The following MEGF8 variants were observed in gnomAD, a reference collection of about 807,000 sequenced individuals.
MEGF8 encodes multiple EGF like domains 8.
A neutral mutation model predicts 302.9 loss-of-function variants in MEGF8; 156 were observed. The observed-to-expected ratio is 0.52, with a 90% CI of 0.45 to 0.59. The LOEUF (loss-of-function observed/expected upper bound fraction) is 0.59. Among genes scored for constraint, MEGF8 ranks in the 20% least tolerant of loss-of-function variants. MEGF8 has a pLI of 0.00. For synonymous variants in MEGF8, 1,621 were observed against 1,660.5 expected, an observed-to-expected ratio of 0.98 and a Z score of 0.58; for missense variants, 3,345 against 3,964.5, an observed-to-expected ratio of 0.84 and a Z score of 4.20.
At chr19:42,371,119 C>T (rs568893743) in intron 40 of MEGF8, among the ~76,000 whole-genome samples, 4 of 152,116 alleles carry the variant, frequency 2.6e-5, no homozygotes, top group South Asian at 4.2e-4. Context: ...AACAACCTCC[C>T]CTTTCCATCT....
rs759760089 is a variant in MEGF8 at position 42,336,188 on chromosome 19, C to T, written c.1086C>T (p.Gly362=). 1.2e-6 allele frequency: 2 copies of T among 1,610,816 alleles called. No individual in the cohort carries two copies. Among genetic ancestry groups the T allele is most frequent in the South Asian group, 1.1e-5 (1 of 91,090 alleles). ...GRTPHDLFSS[G]LFRFRLDSTS... ...CCCCGCACGACCTCTTCTCCTCTGGCCTCTTCCGTTTCCGCCTTGACAGCA... is the reference window on the plus strand; with the variant it reads ...CCCCGCACGACCTCTTCTCCTCTGGTCTCTTCCGTTTCCGCCTTGACAGCA... Residue 362 remains glycine (G), a synonymous_variant, in exon 6 of 42, where the codon GGC becomes GGT. Transcript: ENST00000251268. This position sits in a 1 kb window ranked among gnomAD's most constrained non-coding sequence, Gnocchi z 4.8.
At chr19:42,327,949 G>C (rs2039006463) in intron 1 of MEGF8, among the ~76,000 whole-genome samples, 1 of 152,158 alleles carries the variant, frequency 6.6e-6, no homozygotes, top group Admixed American at 6.5e-5. Context: ...ACAAAAATTA[G>C]CTGGGTGTGA....
intron 41 of MEGF8, among the ~76,000 whole-genome samples, chr19:42,373,866 C>G (rs2039728389): frequency 6.6e-6 from 1 of 152,030 alleles, no homozygotes; most frequent in South Asian, 2.1e-4. Context: ...GCACACACCA[C>G]CATGCCTGGC....
Position 42,352,267 on chromosome 19 carries a change from G to C in MEGF8, c.3161G>C (p.Gly1054Ala), listed in dbSNP as rs779846533. The change falls in exon 19 of 42, where the codon GGG (glycine) becomes GCG (alanine). Residue 1054 changes from glycine to alanine, a missense_variant. Gly to Ala is a moderately conservative substitution (Grantham distance 60). Coordinates refer to ENST00000251268, the MANE Select transcript of MEGF8 (RefSeq NM_001271938.2). This position sits in a 1 kb window ranked among gnomAD's most constrained non-coding sequence, Gnocchi z 4.4. ...GGGGGTAACTGCTCCCTGTGGGTGG[G>C]GGAGGGCCTGGGGCTTCCCGTGGCC... ...LGGGNCSLWV[G>A]EGLGLPVALP... The C allele has an allele frequency of 1.9e-6, 3 of 1,562,342 alleles. No homozygotes were observed. Among genetic ancestry groups the C allele is most frequent in the South Asian group, 1.2e-5 (1 of 85,242 alleles).
chr19:42,371,364 G>A lies in MEGF8; in HGVS notation c.7151G>A (p.Gly2384Asp). The A allele has an allele frequency of 6.2e-7, 1 of 1,613,862 alleles. No homozygotes were observed. Among genetic ancestry groups the A allele is most frequent in the African/African-American group, 1.3e-5 (1 of 75,040 alleles). Residue 2384 changes from glycine to aspartate, a missense_variant, in exon 41 of 42, where the codon GGC becomes GAC. Gly to Asp is a moderately conservative substitution (Grantham distance 94). Transcript: ENST00000251268. ...TTCTTCCCCAGATGCCAGTGTAATG[G>A]CCACGCGGACACATGTAACGAGCAG... ...DGKCTKCQCN[G>D]HADTCNEQDG... is the part of the protein sequence containing the mutation.
intron 12 of MEGF8, among the ~76,000 whole-genome samples, chr19:42,347,786 T>C (rs565031513): frequency 2.0e-5 from 3 of 152,182 alleles, no homozygotes; most frequent in East Asian, 1.9e-4. Flanking sequence ...CATTCTTCTT[T>C]TTTTTTTTAA....
chr19:42,351,125 T>C lies in MEGF8; in HGVS notation c.2737-91T>C. On this transcript the variant is annotated intron_variant, in intron 15 of 41. Coordinates refer to ENST00000251268, the MANE Select transcript of MEGF8 (RefSeq NM_001271938.2). This position sits in a 1 kb window ranked among gnomAD's most constrained non-coding sequence, Gnocchi z 5.6. ...GGGAGATGGCCTTACAGGGACAGTC[T>C]GCAGGGTGGGGCAGGGGGTGGGATG... 8.9e-7 allele frequency: 1 copy of C among 1,128,012 alleles called. No individual in the cohort carries two copies. 69.9% of individuals were successfully genotyped at this position (1,128,012 alleles called of 1,614,324 possible). A position where few individuals can be genotyped will look rare whatever the true frequency, so the allele number is the denominator to read the frequency against.
In MEGF8 at chr19:42,357,266, C is replaced by T; in HGVS notation, c.4831-138C>T. ...CACTGTGCCTCTGCCAGGACCCAGG[C>T]TGGTCCGACTGGCCCTGGGGGGGTC... On this transcript the variant is annotated intron_variant, in intron 27 of 41. Coordinates refer to ENST00000251268, the MANE Select transcript of MEGF8 (RefSeq NM_001271938.2). This position sits in a 1 kb window ranked among gnomAD's most constrained non-coding sequence, Gnocchi z 5.2. 9.3e-7 allele frequency: 1 copy of T among 1,077,062 alleles called. No individual in the cohort carries two copies. The allele number at this position is 1,077,062 out of a possible 1,614,324, so 66.7% of individuals were successfully genotyped here.
rs1370643779 is a variant in MEGF8 at position 42,370,785 on chromosome 19, G to A, written c.7090G>A (p.Glu2364Lys). Residue 2364 changes from glutamate (E) to lysine (K), a missense_variant, in exon 40 of 42, where the codon GAG becomes AAG. Physicochemically the swap from Glu to Lys is moderately conservative, Grantham distance 56. Transcript: ENST00000251268. Reference protein sequence around the residue: ...CQNNSYGEKCESCLQGYFLLD... With the variant: ...CQNNSYGEKCKSCLQGYFLLD... ...GAATAACAGCTATGGGGAGAAATGC[G>A]AGAGCTGCCTGCAGGGCTACTTCCT... The A allele has an allele frequency of 1.3e-5, 19 of 1,516,702 alleles. No individual in the cohort carries two copies. The highest frequency in any genetic ancestry group is 2.0e-5 in the Admixed American group (1 of 50,560). The allele number at this position is 1,516,702 out of a possible 1,614,324, so 94.0% of individuals were successfully genotyped here. A position where few individuals can be genotyped will look rare whatever the true frequency, so the allele number is the denominator to read the frequency against.
At chr19:42,346,513 C>T (rs2039291264) in intron 12 of MEGF8, among the ~76,000 whole-genome samples, 1 of 152,000 alleles carries the variant, frequency 6.6e-6, no homozygotes, top group African/African-American at 2.4e-5. Flanking sequence ...CCCATCTCTA[C>T]TAAAAATACA....
Position 42,352,239 on chromosome 19 carries a change from G to A in MEGF8, c.3133G>A (p.Gly1045Ser), listed in dbSNP as rs756780589. 4.2e-5 allele frequency: 66 copies of A among 1,554,908 alleles called. No individual in the cohort carries two copies. The Middle Eastern group carries it at 5.0e-4, about 12-fold the overall frequency. Residue 1045 changes from glycine to serine, a missense_variant, in exon 19 of 42, where the codon GGT (glycine) becomes AGT (serine). Transcript: ENST00000251268. The surrounding 1 kb of genome is among the most constrained non-coding windows in gnomAD (Gnocchi z 4.4). The part of the protein sequence containing the change: ...CLQGDFSGPL[G>S]GGNCSLWVGE... Reference sequence around the variant, plus strand: ...ACAGGGGGACTTCTCAGGGCCCCTCGGTGGGGGTAACTGCTCCCTGTGGGT... The same window carrying A: ...ACAGGGGGACTTCTCAGGGCCCCTCAGTGGGGGTAACTGCTCCCTGTGGGT...
intron 41 of MEGF8, among the ~76,000 whole-genome samples, chr19:42,372,045 C>CAAT (rs749515162): frequency 7.7e-6 from 1 of 129,428 alleles, no homozygotes; most frequent in Non-Finnish European, 1.7e-5. Context: ...CTCAAAACAA[C>CAAT]AACAACAACA....
intron 12 of MEGF8, among the ~76,000 whole-genome samples, chr19:42,346,787 G>A (rs772947965): frequency 7.2e-5 from 11 of 151,950 alleles, no homozygotes; most frequent in Admixed American, 2.0e-4. Flanking sequence ...GAGCGAGACC[G>A]TCCTGGCTAA....
At position 42,357,339 on chromosome 19, in the gene MEGF8, C is replaced by A; in HGVS notation, c.4831-65C>A. 6.4e-7 allele frequency: 1 copy of A among 1,557,832 alleles called. No individual in the cohort carries two copies. On this transcript the variant is annotated intron_variant, in intron 27 of 41. Coordinates refer to ENST00000251268, the MANE Select transcript of MEGF8 (RefSeq NM_001271938.2). This position sits in a 1 kb window ranked among gnomAD's most constrained non-coding sequence, Gnocchi z 5.2. ...GAGGACTGTGGGGGGCTGAGGCTCG[C>A]TTCTACCCACAAGGTGACCCCTGAC...
intron 35 of MEGF8, among the ~76,000 whole-genome samples, chr19:42,364,598 C>T (rs80245763): frequency 0.02 from 3,078 of 152,292 alleles, 96 homozygotes; most frequent in African/African-American, 0.069. Context: ...GACCAAGAAT[C>T]CCACAGACCT....
rs1436968311 is a variant in MEGF8 at position 42,357,138 on chromosome 19, C to A, written c.4830+157C>A. ...GGTCACACTGTTGTCCTGAGCCAGT[C>A]CTGGGCTGGGACACAGCTTCACTCA... is the stretch of plus-strand genomic sequence containing the variant. On this transcript the variant is annotated intron_variant, in intron 27 of 41. Coordinates refer to ENST00000251268, the MANE Select transcript of MEGF8 (RefSeq NM_001271938.2). The surrounding 1 kb of genome is among the most constrained non-coding windows in gnomAD (Gnocchi z 5.2). Among the ~76,000 whole-genome samples the A allele has an allele frequency of 2.0e-5, 3 of 152,184 alleles. No homozygotes were observed. Among genetic ancestry groups the A allele is most frequent in the Non-Finnish European group, 4.4e-5 (3 of 68,020 alleles).
At chr19:42,339,049 G>A (rs188622036) in intron 8 of MEGF8, among the ~76,000 whole-genome samples, 1 of 151,804 alleles carries the variant, frequency 6.6e-6, no homozygotes, top group African/African-American at 2.4e-5. Context: ...GGCTAGGCTG[G>A]TCTCAAACTC....
At position 42,349,685 on chromosome 19, in the gene MEGF8, G is replaced by A. The variant is rs530378456; in HGVS notation, c.2485G>A (p.Val829Met). ...ELTLLWDRTG[V>M]PGGSEISFFF... ...AACTCTGCTGTGGGATCGGACTGGT[G>A]TGCCAGGAGGCAGCGTGAGTACCCA... The change falls in exon 14 of 42, where the codon GTG becomes ATG. Residue 829 changes from valine (V) to methionine (M), a missense_variant. Val to Met is a conservative substitution (Grantham distance 21, BLOSUM62 1). Transcript: ENST00000251268. 25 of 1,611,986 alleles carry A rather than the reference G, an allele frequency of 1.6e-5. No homozygotes were observed. In the South Asian group the frequency reaches 2.7e-4, roughly 18 times the overall value.
intron 34 of MEGF8, among the ~76,000 whole-genome samples, chr19:42,362,842 G>T (rs1396844111): frequency 5.3e-5 from 8 of 151,074 alleles, no homozygotes; most frequent in Non-Finnish European, 1.0e-4. Flanking sequence ...GGGTCTGAGG[G>T]AGGAGGGGCT....
Sources: gnomAD v4.1 joint callset for allele counts (sites outside exome capture counted in the v4.1 genomes callset) on GRCh38, gnomAD v4.1.1 for gene constraint, Gnocchi (gnomAD v3.1) non-coding constraint, MANE v1.5 for transcripts, NCBI Gene and HGNC (gene_info 2026-07-23, HGNC 2026-07-21) for gene names.